The following RABGAP1L variants were observed in gnomAD, a reference collection of about 807,000 sequenced individuals.
RABGAP1L encodes RAB GTPase activating protein 1 like, also known as rab GTPase-activating protein 1-like.
A neutral mutation model predicts 137.7 loss-of-function variants in RABGAP1L; 63 were observed. That is an observed-to-expected ratio of 0.46 (90% confidence interval 0.37 to 0.56). The LOEUF (loss-of-function observed/expected upper bound fraction) is 0.56, where lower values mean the gene tolerates loss of function less well. Among genes scored for constraint, RABGAP1L ranks in the 20% least tolerant of loss-of-function variants. The probability of loss-of-function intolerance (pLI) is 0.00; values close to 1 mark genes in which losing one functional copy is unlikely to be tolerated. For missense variants in RABGAP1L, 1,095 were observed against 1,244.0 expected (o/e 0.88, Z 1.80); for synonymous variants, 431 against 433.7 (o/e 0.99, Z 0.08).
chr1:174,950,568 C>G (rs1488569132), intron 19 of RABGAP1L, among the ~76,000 whole-genome samples: 1 of 152,118 alleles, frequency 6.6e-6, no homozygotes, highest in Admixed American at 6.6e-5. Flanking sequence ...TGCCACTGAT[C>G]CACTTTATGT....
At chr1:174,421,995 C>T (rs1189850283) in intron 13 of RABGAP1L, among the ~76,000 whole-genome samples, 1 of 152,136 alleles carries the variant, frequency 6.6e-6, no homozygotes, top group East Asian at 1.9e-4. Flanking sequence ...TCTTGAACTC[C>T]TGACCTCAGG....
At chr1:174,272,322 T>C (rs1674621491) in intron 7 of RABGAP1L, 92 bp from the exon 8 acceptor site, 2 of 1,322,688 alleles carry the variant, frequency 1.5e-6, no homozygotes, top group Middle Eastern at 2.1e-4. Context: ...AGAGCTCAGA[T>C]TGTATAGTTA....
chr1:174,273,209 A>G (rs755764667), intron 8 of RABGAP1L, among the ~76,000 whole-genome samples: 1 of 152,068 alleles, frequency 6.6e-6, no homozygotes, highest in Non-Finnish European at 1.5e-5. Flanking sequence ...TTTTGCAAAT[A>G]TCAGTTAAAC....
At chr1:174,703,292 A>G (rs553052208) in intron 17 of RABGAP1L, among the ~76,000 whole-genome samples, 43 of 152,218 alleles carry the variant, frequency 2.8e-4, no homozygotes, top group African/African-American at 1.0e-3. Flanking sequence ...GTGAGTCTCC[A>G]ATGTCTATTA....
At chr1:174,226,645 G>C (rs113257446) in intron 3 of RABGAP1L, among the ~76,000 whole-genome samples, 2 of 152,034 alleles carry the variant, frequency 1.3e-5, no homozygotes, top group Non-Finnish European at 2.9e-5. Flanking sequence ...GACCATTTTA[G>C]CCTTGTGAAA....
At chr1:174,394,239 C>T in intron 13 of RABGAP1L, 94 bp downstream of exon 13, 1 of 1,427,616 alleles carries the variant, frequency 7.0e-7, no homozygotes, top group South Asian at 1.4e-5. Flanking sequence ...ATGCTTTGAA[C>T]TTCTTCATGA....
intron 19 of RABGAP1L, among the ~76,000 whole-genome samples, chr1:174,913,126 C>T (rs1660317036): frequency 6.6e-6 from 1 of 152,098 alleles, no homozygotes; most frequent in Non-Finnish European, 1.5e-5. Flanking sequence ...CAAGTGTATG[C>T]CACCACGCCT....
At chr1:174,191,021 T>C (rs1420691285) in intron 1 of RABGAP1L, among the ~76,000 whole-genome samples, 3 of 152,226 alleles carry the variant, frequency 2.0e-5, no homozygotes, top group Non-Finnish European at 4.4e-5. Context: ...GTTCGCTGTC[T>C]TAGATAGGTG....
At chr1:174,414,079 A>T (rs1650261422) in intron 13 of RABGAP1L, among the ~76,000 whole-genome samples, 1 of 152,216 alleles carries the variant, frequency 6.6e-6, no homozygotes, top group South Asian at 2.1e-4. Flanking sequence ...TATAATTTTT[A>T]ATGACAGATT....
chr1:174,448,529 T>C lies in RABGAP1L; in HGVS notation c.1710+54384T>C. On this transcript the variant is annotated intron_variant, in intron 13 of 25. Coordinates refer to ENST00000681986, the MANE Select transcript of RABGAP1L (RefSeq NM_001366446.1). This position sits in a 1 kb window ranked among gnomAD's most constrained non-coding sequence, Gnocchi z 4.2. ...TCTTGCTTGCATCAGTGTGGATCGT[T>C]ATCTTGCAATAACCAAGCCTCTTTC... 2 of 1,612,718 alleles carry C rather than the reference T, an allele frequency of 1.2e-6. No homozygotes were observed. The highest frequency in any genetic ancestry group is 2.7e-5 in the African/African-American group (2 of 74,926).
intron 3 of RABGAP1L, among the ~76,000 whole-genome samples, chr1:174,227,517 T>G (rs1161098365): frequency 1.3e-5 from 2 of 152,092 alleles, no homozygotes; most frequent in African/African-American, 2.4e-5. Flanking sequence ...TTACCTTTGA[T>G]GTAATTTTAA....
chr1:174,408,733 T>G (rs1649563834), intron 13 of RABGAP1L, among the ~76,000 whole-genome samples: 1 of 152,126 alleles, frequency 6.6e-6, no homozygotes, highest in Admixed American at 6.5e-5. Context: ...TCTGTTGTTT[T>G]TTTTTGACTT....
chr1:174,474,825 T>C (rs567178804), intron 13 of RABGAP1L, among the ~76,000 whole-genome samples: 3 of 152,080 alleles, frequency 2.0e-5, no homozygotes, highest in Non-Finnish European at 2.9e-5. Context: ...ATGGTCTCGA[T>C]CTCTTGACCC....
At chr1:174,453,289 T>A (rs1402183426) in intron 13 of RABGAP1L, among the ~76,000 whole-genome samples, 1 of 152,214 alleles carries the variant, frequency 6.6e-6, no homozygotes, top group Non-Finnish European at 1.5e-5. Context: ...AAAATGGGAT[T>A]TGAAGTATTT....
intron 1 of RABGAP1L, among the ~76,000 whole-genome samples, chr1:174,211,831 T>C (rs1481448016): frequency 1.3e-5 from 2 of 152,146 alleles, no homozygotes; most frequent in Non-Finnish European, 1.5e-5. Flanking sequence ...GGAATAGCTA[T>C]ACTTCTATCA....
intron 14 of RABGAP1L, among the ~76,000 whole-genome samples, chr1:174,656,655 T>G (rs1409576365): frequency 8.5e-5 from 13 of 152,194 alleles, no homozygotes; most frequent in Non-Finnish European, 1.6e-4. Context: ...TCTGTTTTTA[T>G]GGATTTGTCT....
At chr1:174,525,735 A>G (rs532273720) in intron 13 of RABGAP1L, among the ~76,000 whole-genome samples, 4 of 152,038 alleles carry the variant, frequency 2.6e-5, no homozygotes, top group Admixed American at 6.6e-5. Flanking sequence ...AAGGCTTTCA[A>G]CTTTTTTCGG....
intron 13 of RABGAP1L, among the ~76,000 whole-genome samples, chr1:174,510,419 A>T (rs1283523097): frequency 6.6e-6 from 1 of 152,228 alleles, no homozygotes; most frequent in East Asian, 1.9e-4. Flanking sequence ...ATAGAAGAAG[A>T]ATTGGAAGAT....
At chr1:174,949,619 A>G (rs917081006) in intron 19 of RABGAP1L, among the ~76,000 whole-genome samples, 3 of 152,188 alleles carry the variant, frequency 2.0e-5, no homozygotes, top group Non-Finnish European at 4.4e-5. Context: ...CCAAATGATG[A>G]TAGGAAGTTC....
Sources: gnomAD v4.1 joint callset for allele counts (sites outside exome capture counted in the v4.1 genomes callset) on GRCh38, gnomAD v4.1.1 for gene constraint, Gnocchi (gnomAD v3.1) non-coding constraint, MANE v1.5 for transcripts, NCBI Gene and HGNC (gene_info 2026-07-23, HGNC 2026-07-21) for gene names.